The following HS6ST2 variants were observed in gnomAD, a reference collection of about 807,000 sequenced individuals.
HS6ST2 encodes the protein heparan sulfate 6-O-sulfotransferase 2.
Under a neutral mutation model 33.0 loss-of-function variants are expected in HS6ST2, and 17 were observed. The ratio of observed to expected loss-of-function variants is 0.52; its 90% CI spans 0.35 to 0.77. HS6ST2 has a LOEUF of 0.77. Ranked by LOEUF, HS6ST2 falls within the 30% of genes least tolerant of loss-of-function variation. The pLI is 0.01. For synonymous variants in HS6ST2, 248 were observed against 237.1 expected (o/e 1.05, Z -0.42); for missense variants, 519 against 551.7 (o/e 0.94, Z 0.59).
intron 2 of HS6ST2, among the ~76,000 whole-genome samples, chrX:132,946,436 C>T (rs756659461): frequency 1.9e-3 from 210 of 111,856 alleles, no homozygotes; most frequent in Non-Finnish European, 3.3e-3. Flanking sequence ...TACTATGCAG[C>T]CATAAAAAGG....
chrX:132,811,644 C>A (rs2065345021), intron 2 of HS6ST2, among the ~76,000 whole-genome samples: 1 of 86,919 alleles, frequency 1.2e-5, no homozygotes, highest in African/African-American at 4.5e-5. Context: ...ATAATGTCTT[C>A]AAGGTGTAGC....
chrX:132,851,668 T>G (rs1267590481), intron 2 of HS6ST2, among the ~76,000 whole-genome samples: 2 of 111,201 alleles, frequency 1.8e-5, no homozygotes, highest in Non-Finnish European at 3.8e-5. Context: ...CCAACAAGGG[T>G]GATATTGTCC....
At chrX:132,633,844 T>C (rs1166706861) in intron 4 of HS6ST2, among the ~76,000 whole-genome samples, 2 of 111,910 alleles carry the variant, frequency 1.8e-5, no homozygotes, top group African/African-American at 6.5e-5. Context: ...GCAAGTGCAT[T>C]CCACTTTATT....
chrX:132,778,546 C>G (rs945427422), intron 2 of HS6ST2, among the ~76,000 whole-genome samples: 1 of 100,903 alleles, frequency 9.9e-6, no homozygotes, highest in African/African-American at 3.8e-5. Flanking sequence ...ATTACAGGTG[C>G]GTGCCACCAC....
Position 132,842,018 on chromosome X carries a change from C to T in HS6ST2, c.947+114790G>A, listed in dbSNP as rs750886680. The stretch of plus-strand genomic sequence containing the variant: ...CTGGCAATGAAGACATGATATCAAA[C>T]GCAAATGATTAAAGGTTAGAAAAAA... On this transcript the variant is annotated intron_variant, in intron 2 of 4. Transcript: ENST00000370833. Among the ~76,000 whole-genome samples, 5 of 111,803 alleles carry T rather than the reference C, an allele frequency of 4.5e-5. No homozygotes were observed. In the South Asian group the frequency reaches 1.5e-3, roughly 34 times the overall value.
At chrX:132,925,408 C>T (rs1477017643) in intron 2 of HS6ST2, among the ~76,000 whole-genome samples, 1 of 112,137 alleles carries the variant, frequency 8.9e-6, no homozygotes, top group African/African-American at 3.2e-5. Flanking sequence ...CCTTGATTTA[C>T]AGCCAGAAGT....
intron 2 of HS6ST2, among the ~76,000 whole-genome samples, chrX:132,955,717 G>A (rs1305973290): frequency 8.9e-6 from 1 of 111,927 alleles, no homozygotes; most frequent in African/African-American, 3.3e-5. Context: ...AGCCCTGGCT[G>A]GACTAACTGC....
At position 132,628,857 on chromosome X, in the gene HS6ST2, G is replaced by A; in HGVS notation, c.1304C>T (p.Ser435Phe). 8.3e-7 allele frequency: 1 copy of A among 1,211,765 alleles called. No individual in the cohort carries two copies. The highest frequency in any genetic ancestry group is 1.8e-5 in the South Asian group (1 of 56,975). The change falls in exon 5 of 5, where the codon TCC (serine) becomes TTC (phenylalanine). Residue 435 changes from serine (S) to phenylalanine (F), a missense_variant. Coordinates refer to ENST00000370833, the MANE Select transcript of HS6ST2 (RefSeq NM_001394073.1). ...LANNRQVRML[S>F]DLTLVGCYNL... ...GTAGCAGCCTACCAGGGTCAGGTCGGAGAGCATGCGCACCTGGCGGTTGTT... is the reference window on the plus strand; with the variant it reads ...GTAGCAGCCTACCAGGGTCAGGTCGAAGAGCATGCGCACCTGGCGGTTGTT...
chrX:132,830,586 C>A (rs1358118433), intron 2 of HS6ST2, among the ~76,000 whole-genome samples: 1 of 112,344 alleles, frequency 8.9e-6, no homozygotes, highest in Non-Finnish European at 1.9e-5. Flanking sequence ...ACATTTTAAA[C>A]ACAAAATTTT....
At chrX:132,770,391 C>G (rs752147209) in intron 2 of HS6ST2, among the ~76,000 whole-genome samples, 16 of 111,699 alleles carry the variant, frequency 1.4e-4, no homozygotes, top group Admixed American at 1.1e-3. Flanking sequence ...ATCCATGCAT[C>G]ACTCATAGCA....
intron 2 of HS6ST2, among the ~76,000 whole-genome samples, chrX:132,766,703 C>T (rs2064851332): frequency 8.9e-6 from 1 of 111,835 alleles, no homozygotes; most frequent in Admixed American, 9.5e-5. Flanking sequence ...CATTTTCATA[C>T]CACCAATTCT....
chrX:132,800,645 G>A (rs1470466159), intron 2 of HS6ST2, among the ~76,000 whole-genome samples: 4 of 110,651 alleles, frequency 3.6e-5, no homozygotes, highest in Admixed American at 9.7e-5. Context: ...AGAGCCTACC[G>A]TGCAGTGGAG....
chrX:132,651,201 T>A (rs961481664), intron 4 of HS6ST2, among the ~76,000 whole-genome samples: 8 of 112,046 alleles, frequency 7.1e-5, no homozygotes, highest in Non-Finnish European at 1.3e-4. Context: ...ATTAGCAGAG[T>A]TTATTAGAAA....
intron 2 of HS6ST2, among the ~76,000 whole-genome samples, chrX:132,759,997 G>C (rs2064790595): frequency 8.9e-6 from 1 of 111,761 alleles, no homozygotes; most frequent in Non-Finnish European, 1.9e-5. Context: ...AATAAGTAAA[G>C]ACATGGCTCC....
intron 2 of HS6ST2, among the ~76,000 whole-genome samples, chrX:132,914,720 T>C (rs1214402549): frequency 8.9e-6 from 1 of 111,787 alleles, no homozygotes; most frequent in Admixed American, 9.5e-5. Context: ...GAAGATTCAA[T>C]ATCTTGATGC....
chrX:132,785,895 G>A (rs886980322), intron 2 of HS6ST2, among the ~76,000 whole-genome samples: 1 of 111,667 alleles, frequency 9.0e-6, no homozygotes, highest in African/African-American at 3.3e-5. Flanking sequence ...ACTGCACTGG[G>A]AGACAGCCGA....
At position 132,860,079 on chromosome X, in the gene HS6ST2, G is replaced by T. The variant is rs1463919390; in HGVS notation, c.947+96729C>A. The stretch of plus-strand genomic sequence containing the variant: ...TGCATTTACCATATTTATTGAAACA[G>T]TAGCTCTGTATCAGGCATCTGCGCA... On this transcript the variant is annotated intron_variant, in intron 2 of 4. Transcript: ENST00000370833. Among the ~76,000 whole-genome samples the T allele has an allele frequency of 2.7e-5, 3 of 111,769 alleles. No homozygotes were observed. In the Admixed American group the frequency reaches 2.8e-4, roughly 11 times the overall value.
chrX:132,834,340 G>A (rs904783394), intron 2 of HS6ST2, among the ~76,000 whole-genome samples: 2 of 112,169 alleles, frequency 1.8e-5, no homozygotes, highest in Non-Finnish European at 3.8e-5. Flanking sequence ...GAGGTTAAAT[G>A]ATCTGTTTGA....
At chrX:132,957,420 C>G (rs2067094005) in intron 1 of HS6ST2, 94 bp from the exon 2 acceptor site, 2 of 946,965 alleles carry the variant, frequency 2.1e-6, no homozygotes, top group South Asian at 5.1e-5. Context: ...GCCGCTGCTG[C>G]GCCCCTCTCC....
Sources: gnomAD v4.1 joint callset for allele counts (sites outside exome capture counted in the v4.1 genomes callset) on GRCh38, gnomAD v4.1.1 for gene constraint, MANE v1.5 for transcripts, NCBI Gene and HGNC (gene_info 2026-07-23, HGNC 2026-07-21) for gene names.